Variants in STK33 observed in about 807,000 individuals in gnomAD.
STK33 encodes serine/threonine kinase 33, also known as serine/threonine-protein kinase 33.
STK33 carries 52 observed loss-of-function variants against 58.0 expected under a neutral mutation model. The observed-to-expected ratio is 0.90, with a 90% CI of 0.72 to 1.13. The LOEUF (loss-of-function observed/expected upper bound fraction) is 1.13, where lower values mean the gene tolerates loss of function less well. Among genes scored for constraint, STK33 ranks in the 50% most tolerant of loss-of-function variants. STK33 has a pLI of 0.00. For synonymous variants in STK33, 215 were observed against 200.1 expected (o/e 1.07, Z -0.63); for missense variants, 630 against 604.2 (o/e 1.04, Z -0.45).
chr11:8,334,892 C>T, the STK33 span, among the ~76,000 whole-genome samples: 1 of 152,224 alleles, frequency 6.6e-6, no homozygotes, highest in African/African-American at 2.4e-5. Context: ...GTGCTCTGTG[C>T]CTGGCCCTGG....
At chr11:8,563,628 T>C (rs1957257770) in intron 1 of STK33, among the ~76,000 whole-genome samples, 1 of 152,168 alleles carries the variant, frequency 6.6e-6, no homozygotes, top group African/African-American at 2.4e-5. Context: ...ACCCTCCACA[T>C]GGTACATGAG....
intron 1 of STK33, among the ~76,000 whole-genome samples, chr11:8,498,469 C>T (rs1951233198): frequency 6.6e-6 from 1 of 152,164 alleles, no homozygotes; most frequent in Non-Finnish European, 1.5e-5. Context: ...ACATTCCATG[C>T]TCATGGATAG....
At chr11:8,554,161 T>G (rs1487834108) in intron 1 of STK33, among the ~76,000 whole-genome samples, 1 of 152,110 alleles carries the variant, frequency 6.6e-6, no homozygotes, top group Non-Finnish European at 1.5e-5. Flanking sequence ...GGCTCACACC[T>G]GTAATCCCAG....
At chr11:8,375,927 G>C in the STK33 span, among the ~76,000 whole-genome samples, 1 of 152,218 alleles carries the variant, frequency 6.6e-6, no homozygotes, top group Non-Finnish European at 1.5e-5. Context: ...TTATAGTAGT[G>C]TGAAAATGGA....
intron 12 of STK33, among the ~76,000 whole-genome samples, chr11:8,436,849 C>T (rs1944130034): frequency 6.6e-6 from 1 of 152,154 alleles, no homozygotes; most frequent in Admixed American, 6.5e-5. Context: ...AGGCACGCAC[C>T]ACCTCACCTG....
intron 10 of STK33, 47 bp from the exon 11 acceptor site, chr11:8,452,953 G>T (rs967125394): frequency 1.3e-6 from 2 of 1,505,150 alleles, no homozygotes; most frequent in African/African-American, 2.7e-5. Context: ...CTGTCCTAGA[G>T]CTCACTCATT....
intron 15 of STK33, among the ~76,000 whole-genome samples, chr11:8,400,050 G>A (rs1232858156): frequency 6.6e-6 from 1 of 152,164 alleles, no homozygotes; most frequent in African/African-American, 2.4e-5. Context: ...ACAAAGAGGA[G>A]CTGGTACCAT....
chr11:8,427,485 T>G (rs909328523), intron 14 of STK33, among the ~76,000 whole-genome samples: 2 of 152,160 alleles, frequency 1.3e-5, no homozygotes, highest in African/African-American at 4.8e-5. Context: ...TCTTTAAAGC[T>G]AAGGTCTTTC....
intron 1 of STK33, among the ~76,000 whole-genome samples, chr11:8,537,298 T>C (rs1189217036): frequency 6.6e-6 from 1 of 151,794 alleles, no homozygotes; most frequent in Non-Finnish European, 1.5e-5. Context: ...CTATGTGGCC[T>C]AGGCTGGTCT....
At chr11:8,378,579 A>G in the STK33 span, among the ~76,000 whole-genome samples, 1 of 152,354 alleles carries the variant, frequency 6.6e-6, no homozygotes, top group East Asian at 1.9e-4. Context: ...CTCACTCACC[A>G]TCACGAGAAC....
chr11:8,443,376 A>T (rs546231297), intron 11 of STK33, among the ~76,000 whole-genome samples: 115 of 152,326 alleles, frequency 7.5e-4, no homozygotes, highest in African/African-American at 2.7e-3. Context: ...GAAAATTCCT[A>T]AAAGTTGAAA....
intron 1 of STK33, among the ~76,000 whole-genome samples, chr11:8,577,378 AG>A (rs746641035): frequency 3.9e-5 from 6 of 152,126 alleles, no homozygotes; most frequent in Non-Finnish European, 8.8e-5. Context: ...GAATATTAGG[AG>A]AACAAACAAA....
chr11:8,363,555 A>G, the STK33 span, among the ~76,000 whole-genome samples: 1 of 151,972 alleles, frequency 6.6e-6, no homozygotes, highest in Non-Finnish European at 1.5e-5. Flanking sequence ...TAAAGTTTGT[A>G]CTTGTGTTTT....
chr11:8,335,630 T>C, the STK33 span, among the ~76,000 whole-genome samples: 1 of 152,292 alleles, frequency 6.6e-6, no homozygotes, highest in East Asian at 1.9e-4. Flanking sequence ...CATTGTCCTA[T>C]AGAAATACAA....
At chr11:8,469,711 G>A (rs1341566925) in intron 6 of STK33, among the ~76,000 whole-genome samples, 1 of 152,134 alleles carries the variant, frequency 6.6e-6, no homozygotes, top group Admixed American at 6.5e-5. Context: ...AAATAATAAG[G>A]CTACAAAACA....
intron 1 of STK33, among the ~76,000 whole-genome samples, chr11:8,520,975 T>C (rs1242424162): frequency 2.0e-5 from 3 of 151,460 alleles, no homozygotes; most frequent in East Asian, 1.9e-4. Context: ...ATGAATGAAA[T>C]TGGATCTTTA....
chr11:8,570,736 C>T (rs772810257), intron 1 of STK33, among the ~76,000 whole-genome samples: 20 of 152,114 alleles, frequency 1.3e-4, no homozygotes, highest in African/African-American at 2.4e-4. Flanking sequence ...GACATTAAAA[C>T]GGACATAAGG....
intron 1 of STK33, among the ~76,000 whole-genome samples, chr11:8,580,027 T>C (rs2029870530): frequency 6.6e-6 from 1 of 152,074 alleles, no homozygotes; most frequent in African/African-American, 2.4e-5. Flanking sequence ...GGGATGTAAA[T>C]TAGTACAACC....
At chr11:8,335,291 G>C in the STK33 span, among the ~76,000 whole-genome samples, 1 of 152,178 alleles carries the variant, frequency 6.6e-6, no homozygotes, top group South Asian at 2.1e-4. Flanking sequence ...AACAGGATCG[G>C]ACAGCACATG....
Sources: allele counts gnomAD v4.1 joint callset (sites outside exome capture counted in the v4.1 genomes callset), GRCh38; gene constraint gnomAD v4.1.1; transcripts MANE v1.5; gene names NCBI Gene and HGNC (gene_info 2026-07-23, HGNC 2026-07-21).